The following BICC1 variants were observed in gnomAD, a reference collection of about 807,000 sequenced individuals.
BICC1 encodes the protein protein bicaudal C homolog 1.
Under a neutral mutation model 111.0 loss-of-function variants are expected in BICC1, and 43 were observed. That is an observed-to-expected ratio of 0.39 (90% CI 0.30 to 0.50). BICC1 has a LOEUF of 0.50. BICC1 is among the 20% of genes least tolerant of loss of function. The probability of loss-of-function intolerance (pLI) is 0.88; values close to 1 mark genes in which losing one functional copy is unlikely to be tolerated. For synonymous variants in BICC1, 467 were observed against 434.4 expected (o/e 1.07, Z -0.93); for missense variants, 1,091 against 1,203.2 (o/e 0.91, Z 1.38).
intron 2 of BICC1, among the ~76,000 whole-genome samples, chr10:58,657,496 A>C (rs1446464796): frequency 6.6e-6 from 1 of 152,156 alleles, no homozygotes; most frequent in African/African-American, 2.4e-5. Context: ...CTGCAGGTAC[A>C]CTGTGATTGA....
chr10:58,798,964 C>A (rs1843448060), intron 11 of BICC1, 92 bp from the exon 12 acceptor site: 2 of 1,008,898 alleles, frequency 2.0e-6, no homozygotes, highest in Non-Finnish European at 2.8e-6. Flanking sequence ...TCTGAACTTG[C>A]AGCAACAAAA....
chr10:58,686,482 C>T (rs1817128488), intron 2 of BICC1, among the ~76,000 whole-genome samples: 1 of 152,096 alleles, frequency 6.6e-6, no homozygotes, highest in Admixed American at 6.5e-5. Context: ...TTCCATTCTC[C>T]CCATCACTTT....
rs145985868 is a variant in BICC1 at position 58,715,732 on chromosome 10, A to C, written c.307+13589A>C. The stretch of plus-strand genomic sequence containing the variant: ...AAGAAAGGTTCCAAGGCTTTGGCTG[A>C]ATTTGAAGAAAAAATGAATGAGAAC... On this transcript the variant is annotated intron_variant, in intron 3 of 20. Coordinates refer to ENST00000373886, the MANE Select transcript of BICC1 (RefSeq NM_001080512.3). 2,308 of 1,557,730 alleles carry C rather than the reference A, an allele frequency of 1.5e-3. 28 individuals are homozygous for C. The African/African-American group carries it at 0.028, about 19-fold the overall frequency.
intron 18 of BICC1, among the ~76,000 whole-genome samples, chr10:58,815,306 C>T (rs751435989): frequency 3.9e-5 from 6 of 152,130 alleles, no homozygotes; most frequent in East Asian, 1.9e-4. Flanking sequence ...TAAGAAAGCA[C>T]GGACAACTAT....
chr10:58,767,663 C>G (rs941586889), intron 3 of BICC1, among the ~76,000 whole-genome samples: 1 of 152,090 alleles, frequency 6.6e-6, no homozygotes, highest in African/African-American at 2.4e-5. Flanking sequence ...TACAATAAAA[C>G]TCAGTATAAA....
At chr10:58,809,973 G>A (rs1459865007) in intron 17 of BICC1, among the ~76,000 whole-genome samples, 2 of 152,116 alleles carry the variant, frequency 1.3e-5, no homozygotes, top group Admixed American at 6.5e-5. Flanking sequence ...AGAATCACTC[G>A]GAGAGCTTAA....
intron 3 of BICC1, among the ~76,000 whole-genome samples, chr10:58,739,022 A>G (rs1225013836): frequency 6.6e-6 from 1 of 152,072 alleles, no homozygotes; most frequent in Admixed American, 6.5e-5. Context: ...TAATCATGTC[A>G]TCTGCAAACA....
intron 17 of BICC1, among the ~76,000 whole-genome samples, chr10:58,809,891 C>T (rs191039379): frequency 2.1e-3 from 319 of 152,274 alleles, no homozygotes; most frequent in Middle Eastern, 0.01. Flanking sequence ...AATGATTTAA[C>T]CCAAGAGAGT....
At chr10:58,533,018 T>C (rs750958428) in intron 1 of BICC1, among the ~76,000 whole-genome samples, 26 of 151,748 alleles carry the variant, frequency 1.7e-4, no homozygotes, top group Non-Finnish European at 3.4e-4. Flanking sequence ...TTGTTAACTT[T>C]CTGGAGGGTC....
chr10:58,804,541 A>T (rs1019833467), intron 15 of BICC1, among the ~76,000 whole-genome samples: 1 of 152,176 alleles, frequency 6.6e-6, no homozygotes, highest in Non-Finnish European at 1.5e-5. Context: ...AAATAAAATA[A>T]AAAAGACATT....
At chr10:58,805,898 T>G (rs1447202139) in intron 15 of BICC1, among the ~76,000 whole-genome samples, 1 of 152,228 alleles carries the variant, frequency 6.6e-6, no homozygotes, top group Non-Finnish European at 1.5e-5. Context: ...TGATCTATCT[T>G]AGTCCTCACA....
At chr10:58,805,310 C>CAAAA (rs142081261) in intron 15 of BICC1, among the ~76,000 whole-genome samples, 2 of 149,526 alleles carry the variant, frequency 1.3e-5, no homozygotes, top group Non-Finnish European at 1.5e-5. Context: ...AACAAACAAA[C>CAAAA]AAACAAAAAA....
At chr10:58,698,249 G>A (rs916295430) in intron 2 of BICC1, among the ~76,000 whole-genome samples, 5 of 152,288 alleles carry the variant, frequency 3.3e-5, no homozygotes, top group African/African-American at 1.2e-4. Context: ...ACAGCCGTAG[G>A]ACAGTGGGGA....
At chr10:58,589,775 A>G (rs1844545997) in intron 1 of BICC1, among the ~76,000 whole-genome samples, 1 of 152,052 alleles carries the variant, frequency 6.6e-6, no homozygotes, top group African/African-American at 2.4e-5. Context: ...GTGCCCAGCC[A>G]TTACAAATTT....
chr10:58,670,338 T>G (rs1839146018), intron 2 of BICC1, among the ~76,000 whole-genome samples: 1 of 152,148 alleles, frequency 6.6e-6, no homozygotes, highest in Non-Finnish European at 1.5e-5. Flanking sequence ...AATGTAGCAT[T>G]CAATGTGTTT....
chr10:58,759,773 C>A (rs1253483871), intron 3 of BICC1, among the ~76,000 whole-genome samples: 1 of 151,892 alleles, frequency 6.6e-6, no homozygotes, highest in Non-Finnish European at 1.5e-5. Flanking sequence ...TCCTGGCTAA[C>A]ACGGTGAAAC....
chr10:58,640,840 A>G (rs1838100863), intron 2 of BICC1, among the ~76,000 whole-genome samples: 1 of 152,240 alleles, frequency 6.6e-6, no homozygotes, highest in Non-Finnish European at 1.5e-5. Flanking sequence ...CATGGTGAAC[A>G]CATCAAGTAA....
chr10:58,650,455 A>G (rs943477893), intron 2 of BICC1: 7 of 152,222 alleles, frequency 4.6e-5, no homozygotes, highest in African/African-American at 1.7e-4. Flanking sequence ...ATGGTGTCCT[A>G]TCCCCACCAA....
intron 1 of BICC1, among the ~76,000 whole-genome samples, chr10:58,539,714 C>T (rs542112116): frequency 9.2e-4 from 139 of 151,880 alleles, no homozygotes; most frequent in African/African-American, 3.2e-3. Context: ...TTCAGTGCCC[C>T]ACTTTTAATA....
Sources: gnomAD v4.1 joint callset for allele counts (sites outside exome capture counted in the v4.1 genomes callset) on GRCh38, gnomAD v4.1.1 for gene constraint, MANE v1.5 for transcripts, NCBI Gene and HGNC (gene_info 2026-07-23, HGNC 2026-07-21) for gene names.